SLIT3: variants seen among roughly 807,000 people sequenced by gnomAD.
SLIT3 encodes the protein slit guidance ligand 3.
Under a neutral mutation model 184.0 loss-of-function variants are expected in SLIT3, and 68 were observed. The observed-to-expected ratio is 0.37, with a 90% CI of 0.30 to 0.45. The LOEUF (loss-of-function observed/expected upper bound fraction) is 0.45, where lower values mean the gene tolerates loss of function less well. SLIT3 is among the 20% of genes least tolerant of loss of function. The pLI, the probability that SLIT3 is intolerant of heterozygous loss-of-function variation, is 1.00. For synonymous variants in SLIT3, 831 were observed against 828.6 expected (o/e 1.00, Z -0.05); for missense variants, 1,707 against 2,026.0 (o/e 0.84, Z 3.02).
At chr5:169,072,918 C>G (rs1758606981) in intron 4 of SLIT3, among the ~76,000 whole-genome samples, 1 of 152,222 alleles carries the variant, frequency 6.6e-6, no homozygotes, top group African/African-American at 2.4e-5. Context: ...TTGCCCGCCA[C>G]TTGCTGAAAT....
At chr5:168,673,083 C>T in intron 33 of SLIT3, 94 bp downstream of exon 33, 1 of 1,229,872 alleles carries the variant, frequency 8.1e-7, no homozygotes, top group East Asian at 2.3e-5. Context: ...CTCCAGGAAG[C>T]CTTCCCTGAT....
chr5:168,890,062 C>G (rs949079838), intron 4 of SLIT3, among the ~76,000 whole-genome samples: 1 of 151,288 alleles, frequency 6.6e-6, no homozygotes. Flanking sequence ...ATGGCTTGAA[C>G]CCGGGAGCGG....
chr5:169,247,564 G>T (rs77824961), intron 2 of SLIT3, among the ~76,000 whole-genome samples: 5,904 of 152,242 alleles, frequency 0.039, 385 homozygotes, highest in African/African-American at 0.14. Context: ...GCTTCTTTCA[G>T]AGATGGGAAT....
chr5:168,789,679 T>C (rs771485677), intron 10 of SLIT3, 48 bp from the exon 11 acceptor site: 5 of 1,373,190 alleles, frequency 3.6e-6, no homozygotes, highest in South Asian at 1.2e-5. Context: ...AAAGGTGCGA[T>C]AACGGTCACT....
chr5:168,733,667 T>C (rs1187045543), intron 20 of SLIT3, among the ~76,000 whole-genome samples: 9 of 151,898 alleles, frequency 5.9e-5, no homozygotes, highest in Non-Finnish European at 1.3e-4. Flanking sequence ...TTAGGACAAA[T>C]ACCTAATGCA....
chr5:169,046,502 T>G (rs1248339328), intron 4 of SLIT3, among the ~76,000 whole-genome samples: 1 of 152,122 alleles, frequency 6.6e-6, no homozygotes, highest in African/African-American at 2.4e-5. Context: ...TTAAAATGTC[T>G]CCGGATCCAT....
intron 4 of SLIT3, among the ~76,000 whole-genome samples, chr5:169,164,222 C>T (rs1050914412): frequency 1.3e-5 from 2 of 152,156 alleles, no homozygotes; most frequent in African/African-American, 4.8e-5. Flanking sequence ...CCTCGGACTC[C>T]CCATCAAGAC....
At chr5:168,671,034 A>G (rs1333883847) in intron 34 of SLIT3, among the ~76,000 whole-genome samples, 164 bp downstream of exon 34, 3 of 152,108 alleles carry the variant, frequency 2.0e-5, no homozygotes, top group Admixed American at 6.5e-5. Flanking sequence ...TCAGATGTGT[A>G]AGCTCAGCCT....
intron 4 of SLIT3, among the ~76,000 whole-genome samples, chr5:169,082,534 C>T (rs1759110128): frequency 6.6e-6 from 1 of 152,134 alleles, no homozygotes; most frequent in Admixed American, 6.5e-5. Flanking sequence ...CCTATTCTTC[C>T]CACCCCAATG....
At chr5:168,854,966 AT>A (rs1467617986) in intron 5 of SLIT3, among the ~76,000 whole-genome samples, 3 of 152,198 alleles carry the variant, frequency 2.0e-5, no homozygotes, top group Non-Finnish European at 2.9e-5. Flanking sequence ...GCTGCTTTCG[AT>A]CTAGCTAATA....
intron 20 of SLIT3, among the ~76,000 whole-genome samples, chr5:168,726,368 CAGGGAGGGAG>C (rs1409369932): frequency 2.5e-5 from 1 of 40,254 alleles, no homozygotes; most frequent in Non-Finnish European, 5.4e-5. Context: ...GAGAGGGAGG[CAGGGAGGGAG>C]AGGGAGGCAG....
At chr5:168,799,556 G>C (rs74714540) in intron 9 of SLIT3, among the ~76,000 whole-genome samples, 4 of 152,180 alleles carry the variant, frequency 2.6e-5, no homozygotes, top group Admixed American at 6.5e-5. Context: ...TTGCAAACAT[G>C]TGACTAAACA....
rs1215853859 is a variant in SLIT3, at chr5:168,673,224, A to G, written c.3794T>C (p.Leu1265Pro). The change falls in exon 33 of 36, where the codon CTC becomes CCC. Residue 1265 changes from leucine (L) to proline (P), a missense_variant. Leu to Pro is a moderately conservative substitution (Grantham distance 98). Around this residue, in one of 3 missense-constraint regions of SLIT3, gnomAD observed 387 missense variants for 477.9 expected, o/e 0.81. Transcript: ENST00000519560. ...DKGTPKSLGKLQKQPAVGINS... is the reference protein window; with the variant it reads ...DKGTPKSLGKPQKQPAVGINS... ...GATGCCCACTGCTGGCTGCTTCTGG[A>G]GCTTCCCCAGGCTCTTTGGAGTTCC... is the stretch of plus-strand genomic sequence containing the variant. 6.2e-7 allele frequency: 1 copy of G among 1,614,054 alleles called. No individual in the cohort carries two copies. The highest frequency in any genetic ancestry group is 2.2e-5 in the East Asian group (1 of 44,860).
chr5:168,979,386 C>T (rs1003882823), intron 4 of SLIT3, among the ~76,000 whole-genome samples: 4 of 152,180 alleles, frequency 2.6e-5, no homozygotes, highest in Admixed American at 6.6e-5. Flanking sequence ...TTCTCAGTAT[C>T]TGTCTTGGCT....
rs927338567 is a variant in SLIT3, at chr5:168,727,674, C to T, written c.2271-3190G>A. ...CTCATCTGTACTCACCCTCTGCCCT[C>T]CCTGCATGAAAGGCTGTGGGGTATT... On this transcript the variant is annotated intron_variant, in intron 20 of 35. Transcript: ENST00000519560. Among the ~76,000 whole-genome samples, 6 of 152,226 alleles carry T rather than the reference C, an allele frequency of 3.9e-5. No individual in the cohort carries two copies. The East Asian group carries it at 9.6e-4, about 24-fold the overall frequency.
chr5:169,038,316 C>T (rs1013870000), intron 4 of SLIT3, among the ~76,000 whole-genome samples: 3 of 152,128 alleles, frequency 2.0e-5, no homozygotes, highest in African/African-American at 4.8e-5. Context: ...TATGGAACTG[C>T]TGATTGAATA....
intron 4 of SLIT3, among the ~76,000 whole-genome samples, chr5:169,003,798 C>A (rs1755809076): frequency 6.6e-6 from 1 of 152,086 alleles, no homozygotes; most frequent in African/African-American, 2.4e-5. Flanking sequence ...ATATTCCAAG[C>A]ATGAACTAAT....
chr5:169,194,817 G>A (rs921263152), intron 3 of SLIT3, among the ~76,000 whole-genome samples: 6 of 152,142 alleles, frequency 3.9e-5, no homozygotes, highest in African/African-American at 1.4e-4. Context: ...CCACAGAAAG[G>A]CTACCTGAGT....
chr5:168,981,737 T>C (rs1280213116), intron 4 of SLIT3, among the ~76,000 whole-genome samples: 1 of 152,238 alleles, frequency 6.6e-6, no homozygotes, highest in Non-Finnish European at 1.5e-5. Flanking sequence ...TCTGCTCTCA[T>C]ATTCCTCTGA....
Sources: allele counts gnomAD v4.1 joint callset (sites outside exome capture counted in the v4.1 genomes callset), GRCh38; gene constraint gnomAD v4.1.1; regional missense constraint gnomAD v4.1.1; transcripts MANE v1.5; gene names NCBI Gene and HGNC (gene_info 2026-07-23, HGNC 2026-07-21).